ERGIC3: variants seen among roughly 807,000 people sequenced by gnomAD.
ERGIC3 encodes the protein endoplasmic reticulum-Golgi intermediate compartment protein 3.
In ERGIC3, 33 loss-of-function variants were observed where a neutral mutation model predicts 54.7. That is an observed-to-expected ratio of 0.60 (90% CI 0.46 to 0.81). The LOEUF is 0.81. ERGIC3 is among the 30% of genes least tolerant of loss of function. The pLI is 0.00. For synonymous variants in ERGIC3, 186 were observed against 189.8 expected, an observed-to-expected ratio of 0.98 and a Z score of 0.16; for missense variants, 399 against 488.4, an observed-to-expected ratio of 0.82 and a Z score of 1.73.
chr20:35,556,931 G>C (rs1399467547), intron 10 of ERGIC3, 42 bp from the exon 11 acceptor site: 1 of 1,613,058 alleles, frequency 6.2e-7, no homozygotes, highest in East Asian at 2.2e-5. Flanking sequence ...CTGGAGCCAG[G>C]TCCTAGCCCT....
intron 8 of ERGIC3, among the ~76,000 whole-genome samples, chr20:35,555,805 C>T (rs1396995237): frequency 1.4e-5 from 2 of 139,444 alleles, no homozygotes; most frequent in Non-Finnish European, 1.5e-5. Context: ...AGAGTGAGAC[C>T]TTGTCTCAAA....
chr20:35,543,296 A>G (rs1286050642), intron 4 of ERGIC3: 4 of 343,554 alleles, frequency 1.2e-5, no homozygotes, highest in Non-Finnish European at 2.3e-5. Flanking sequence ...CATTGGCTTA[A>G]TTCAGCCCTT....
At chr20:35,550,494 T>C (rs1414079713) in intron 7 of ERGIC3, among the ~76,000 whole-genome samples, 1 of 152,156 alleles carries the variant, frequency 6.6e-6, no homozygotes, top group Non-Finnish European at 1.5e-5. Context: ...CACACGCCTG[T>C]AATCCCAGCT....
In ERGIC3 at chr20:35,547,337, G is replaced by T; in HGVS notation, c.368-75G>T. 3 of 1,080,984 alleles carry T rather than the reference G, an allele frequency of 2.8e-6. No homozygotes were observed. The South Asian group carries it at 3.8e-5, about 14-fold the overall frequency. 67.0% of individuals were successfully genotyped at this position (1,080,984 alleles called of 1,614,324 possible). On this transcript the variant is annotated intron_variant, in intron 4 of 12. Coordinates refer to ENST00000348547, the MANE Select transcript of ERGIC3 (RefSeq NM_015966.3). ...AACTTTTATTATCCCTAAGCAAAGG[G>T]CTTGTGCAGACTGGAGCCACCGATT...
intron 7 of ERGIC3, among the ~76,000 whole-genome samples, chr20:35,553,522 A>T (rs2064694166): frequency 1.3e-5 from 2 of 152,048 alleles, no homozygotes; most frequent in African/African-American, 4.8e-5. Flanking sequence ...ACAGTAAAGG[A>T]TGGACAGAGC....
chr20:35,547,567 C>T (rs900872550), intron 5 of ERGIC3, 62 bp downstream of exon 5: 1 of 1,491,296 alleles, frequency 6.7e-7, no homozygotes, highest in South Asian at 1.1e-5. Context: ...TCAGCCTCAG[C>T]CTCAGTCAGA....
chr20:35,551,515 G>A (rs1233633686), intron 7 of ERGIC3, among the ~76,000 whole-genome samples: 1 of 152,110 alleles, frequency 6.6e-6, no homozygotes, highest in African/African-American at 2.4e-5. Flanking sequence ...TGCAGATGTT[G>A]GCATCATCAG....
In ERGIC3 at chr20:35,542,901, TA is replaced by T; in HGVS notation, c.330del (p.Asp111MetfsTer5). The T allele has an allele frequency of 6.2e-7, 1 of 1,614,074 alleles. No individual in the cohort carries two copies. The highest frequency in any genetic ancestry group is 8.5e-7 in the Non-Finnish European group (1 of 1,180,012). ...ACAACCTGTTCAAGCAACGACTAGA[TA>T]AAGATGGCATCCCCGTGAGCTCAGA... ...EHNLFKQRLD[K>X]DGIPVSSEAE... On this transcript the variant is annotated frameshift_variant, in exon 4 of 13. Transcript: ENST00000348547. LOFTEE classifies it high-confidence loss of function.
Position 35,554,504 on chromosome 20 carries a change from G to C in ERGIC3, c.686-540G>C, listed in dbSNP as rs1382572795. The C allele has an allele frequency of 3.5e-6, 4 of 1,128,530 alleles. No homozygotes were observed. In the South Asian group the frequency reaches 5.4e-5, roughly 15 times the overall value. 69.9% of individuals were successfully genotyped at this position (1,128,530 alleles called of 1,614,324 possible). A position where few individuals can be genotyped will look rare whatever the true frequency, so the allele number is the denominator to read the frequency against. Reference sequence around the variant, plus strand: ...GGGTCTCCTCTGACCTGGCTGCTGGGTGACTGTAAAAGGTCTGGGATGTAT... The same window carrying C: ...GGGTCTCCTCTGACCTGGCTGCTGGCTGACTGTAAAAGGTCTGGGATGTAT... On this transcript the variant is annotated intron_variant, in intron 7 of 12. Coordinates refer to ENST00000348547, the MANE Select transcript of ERGIC3 (RefSeq NM_015966.3).
At position 35,544,437 on chromosome 20, in the gene ERGIC3, T is replaced by G. The variant is rs115657574; in HGVS notation, c.367+1496T>G. The G allele has an allele frequency of 4.1e-3, 1,261 of 309,846 alleles. 19 individuals carry two copies. The highest frequency in any genetic ancestry group is 0.028 in the African/African-American group (1,204 of 43,552). 19.2% of individuals were successfully genotyped at this position (309,846 alleles called of 1,614,324 possible). On this transcript the variant is annotated intron_variant, in intron 4 of 12. Coordinates refer to ENST00000348547, the MANE Select transcript of ERGIC3 (RefSeq NM_015966.3). The stretch of plus-strand genomic sequence containing the variant: ...GAGGGCAGGACAGGGGGCTCAGTCT[T>G]TCTTGGCATCAGCTTTCCTCATGAT...
At chr20:35,555,108 TG>T in intron 8 of ERGIC3, 33 bp downstream of exon 8, 4 of 958,010 alleles carry the variant, frequency 4.2e-6, no homozygotes, top group Non-Finnish European at 5.9e-6. Context: ...GGAGGGCAGG[TG>T]GGGGTGGGAG....
intron 7 of ERGIC3, 23 bp downstream of exon 7, chr20:35,548,888 G>A (rs2064666581): frequency 6.2e-7 from 1 of 1,613,794 alleles, no homozygotes. Context: ...CACTAGCTGG[G>A]GAGATTTAGA....
chr20:35,544,426 G>A (rs988111189), intron 4 of ERGIC3: 1 of 302,430 alleles, frequency 3.3e-6, no homozygotes, highest in South Asian at 3.1e-5. Flanking sequence ...GCAGGACAGG[G>A]GGCTCAGTCT....
intron 7 of ERGIC3, chr20:35,549,183 A>T (rs1178785680): frequency 8.2e-6 from 4 of 490,778 alleles, no homozygotes; most frequent in South Asian, 6.2e-5. Flanking sequence ...CAGGTTAAAG[A>T]TGATAGCACG....
In ERGIC3 at chr20:35,542,332, T is replaced by C; in HGVS notation, c.98T>C (p.Val33Ala). The C allele has an allele frequency of 6.2e-7, 1 of 1,614,012 alleles. No individual in the cohort carries two copies. The highest frequency in any genetic ancestry group is 8.5e-7 in the Non-Finnish European group (1 of 1,180,008). ...KTCGGATVTI[V>A]SGLLMLLLFL... ...GCCCCTTGTCCTGCAGTGACCATTG[T>C]CAGTGGCCTTCTCATGCTGCTACTG... Residue 33 changes from valine (V) to alanine (A), a missense_variant, in exon 2 of 13, where the codon GTC becomes GCC. Physicochemically the swap from Val to Ala is moderately conservative, Grantham distance 64. Coordinates refer to ENST00000348547, the MANE Select transcript of ERGIC3 (RefSeq NM_015966.3).
chr20:35,557,412 GTC>G lies in ERGIC3; in HGVS notation c.1073-6_1073-5del, dbSNP rs1177980774. The G allele has an allele frequency of 2.5e-6, 4 of 1,613,802 alleles. No homozygotes were observed. In the African/African-American group the frequency reaches 5.3e-5, roughly 22 times the overall value. On this transcript the variant is annotated splice_polypyrimidine_tract_variant and intron_variant, in intron 12 of 12. Coordinates refer to ENST00000348547, the MANE Select transcript of ERGIC3 (RefSeq NM_015966.3). ...CCCCACTGGGCCAGTGCCAGCCCTTGTCTCTCTCCCAGTGGCTGGACTCATCG... is the reference window on the plus strand; with the variant it reads ...CCCCACTGGGCCAGTGCCAGCCCTTGTCTCTCCCAGTGGCTGGACTCATCG...
chr20:35,553,187 T>TTTG (rs1371448282), intron 7 of ERGIC3, among the ~76,000 whole-genome samples: 76 of 149,046 alleles, frequency 5.1e-4, no homozygotes, highest in Admixed American at 3.6e-3. Context: ...TTTTTTTTTT[T>TTTG]TGCAGAGACA....
At chr20:35,554,310 T>A in intron 7 of ERGIC3, 1 of 1,606,302 alleles carries the variant, frequency 6.2e-7, no homozygotes, top group Non-Finnish European at 8.5e-7. Flanking sequence ...TATCTTGCTC[T>A]CATAGTTCTC....
At chr20:35,543,139 TC>T in intron 4 of ERGIC3, 198 bp downstream of exon 4, 3 of 597,552 alleles carry the variant, frequency 5.0e-6, no homozygotes, top group Non-Finnish European at 8.6e-6. Flanking sequence ...AGTCAGGTAA[TC>T]TACCTGGCTA....
Sources: allele counts gnomAD v4.1 joint callset (sites outside exome capture counted in the v4.1 genomes callset), GRCh38; gene constraint gnomAD v4.1.1; transcripts MANE v1.5; gene names NCBI Gene and HGNC (gene_info 2026-07-23, HGNC 2026-07-21).